The following PHKB variants were observed in gnomAD, a reference collection of about 807,000 sequenced individuals.
PHKB encodes the protein phosphorylase kinase regulatory subunit beta.
PHKB carries 122 observed loss-of-function variants against 152.1 expected under a neutral mutation model. That is an observed-to-expected ratio of 0.80 (90% confidence interval 0.69 to 0.93). PHKB has a LOEUF of 0.93. PHKB is among the 40% of genes least tolerant of loss of function. The pLI is 0.00. For missense variants in PHKB, 1,304 were observed against 1,328.4 expected, an observed-to-expected ratio of 0.98 and a Z score of 0.29; for synonymous variants, 436 against 464.9, an observed-to-expected ratio of 0.94 and a Z score of 0.80.
At chr16:47,499,970 G>T (rs146954082) in intron 3 of PHKB, 76 bp downstream of exon 3, 9 of 1,532,654 alleles carry the variant, frequency 5.9e-6, no homozygotes, top group South Asian at 2.2e-5. Flanking sequence ...TAATTGAGCC[G>T]CTATCTTTTG....
rs370858991 is a variant in PHKB, at chr16:47,611,031, G to A, written c.1458+111G>A. The A allele has an allele frequency of 5.5e-6, 4 of 729,174 alleles. No individual in the cohort carries two copies. In the East Asian group the frequency reaches 1.1e-4, roughly 19 times the overall value. The allele number at this position is 729,174 out of a possible 1,614,324, so 45.2% of individuals were successfully genotyped here. A position where few individuals can be genotyped will look rare whatever the true frequency, so the allele number is the denominator to read the frequency against. The stretch of plus-strand genomic sequence containing the variant: ...TTTTGTTGTTCCTTCTGACGGAAAG[G>A]TTTCTCCCTCTTCTGGTTAGTTAAG... On this transcript the variant is annotated intron_variant, in intron 14 of 30. Transcript: ENST00000323584.
intron 14 of PHKB, among the ~76,000 whole-genome samples, chr16:47,614,992 T>C (rs1293515015): frequency 2.0e-5 from 3 of 152,210 alleles, no homozygotes; most frequent in Non-Finnish European, 2.9e-5. Context: ...GGTAGTTACG[T>C]TGGATATAGG....
In PHKB at chr16:47,648,971, G is replaced by A. The variant is rs867859194; in HGVS notation, c.1693-129G>A. 116 of 680,726 alleles carry A rather than the reference G, an allele frequency of 1.7e-4. No individual in the cohort carries two copies. The Middle Eastern group carries it at 2.0e-3, about 12-fold the overall frequency. 42.2% of individuals were successfully genotyped at this position (680,726 alleles called of 1,614,324 possible). ...AATTTTTAAATATTATCTGGATGTC[G>A]CAAGCTATTAATTTATGTGCTTATT... On this transcript the variant is annotated intron_variant, in intron 17 of 30. Transcript: ENST00000323584.
At chr16:47,654,604 A>G (rs1476907870) in intron 20 of PHKB, among the ~76,000 whole-genome samples, 1 of 152,160 alleles carries the variant, frequency 6.6e-6, no homozygotes, top group African/African-American at 2.4e-5. Flanking sequence ...CATATACACC[A>G]TGGAATACTA....
chr16:47,653,731 T>C (rs1435422181), intron 20 of PHKB, among the ~76,000 whole-genome samples: 2 of 152,168 alleles, frequency 1.3e-5, no homozygotes, highest in Non-Finnish European at 2.9e-5. Context: ...AAAAAAGACC[T>C]AGATAATTTT....
Position 47,669,486 on chromosome 16 carries a change from C to T in PHKB, c.2630+69C>T, listed in dbSNP as rs1212538583. Reference sequence around the variant, plus strand: ...TTGTCCTCTAACAGACCCGGCCTCTCCAAGTGAAGCAATGTTCCTGGTGTC... The same window carrying T: ...TTGTCCTCTAACAGACCCGGCCTCTTCAAGTGAAGCAATGTTCCTGGTGTC... On this transcript the variant is annotated intron_variant, in intron 26 of 30. Coordinates refer to ENST00000323584, the MANE Select transcript of PHKB (RefSeq NM_000293.3). 4 of 1,360,402 alleles carry T rather than the reference C, an allele frequency of 2.9e-6. No homozygotes were observed. In the African/African-American group the frequency reaches 5.7e-5, roughly 19 times the overall value. 84.3% of individuals were successfully genotyped at this position (1,360,402 alleles called of 1,614,324 possible).
At chr16:47,648,733 T>C (rs934143018) in intron 17 of PHKB, 117 bp downstream of exon 17, 2 of 744,110 alleles carry the variant, frequency 2.7e-6, no homozygotes, top group African/African-American at 1.7e-5. Flanking sequence ...ACTACTTATC[T>C]GAAGTATTAT....
intron 7 of PHKB, chr16:47,562,618 A>G (rs1971495560): frequency 6.6e-6 from 1 of 152,214 alleles, no homozygotes; most frequent in Non-Finnish European, 1.5e-5. Context: ...CTGAACCTTC[A>G]GTGAGTTGTA....
chr16:47,472,442 A>G lies in PHKB; in HGVS notation c.76+11016A>G, dbSNP rs1308347350. 2.6e-5 allele frequency among the ~76,000 whole-genome samples: 4 copies of G among 152,064 alleles called. No homozygotes were observed. The East Asian group carries it at 7.7e-4, about 29-fold the overall frequency. Reference sequence around the variant, plus strand: ...CAAGGCAGGCGGGCTGCTTGAGCCCAATTTGAGACTAGCCTGTGCAACATG... The same window carrying G: ...CAAGGCAGGCGGGCTGCTTGAGCCCGATTTGAGACTAGCCTGTGCAACATG... On this transcript the variant is annotated intron_variant, in intron 1 of 30. Coordinates refer to ENST00000323584, the MANE Select transcript of PHKB (RefSeq NM_000293.3).
chr16:47,557,941 T>C (rs944690608), intron 7 of PHKB, among the ~76,000 whole-genome samples: 4 of 152,132 alleles, frequency 2.6e-5, no homozygotes, highest in African/African-American at 9.7e-5. Flanking sequence ...ACACATATGT[T>C]TATTGCGGTA....
At position 47,596,518 on chromosome 16, in the gene PHKB, C is replaced by T. The variant is rs199941695; in HGVS notation, c.1350C>T (p.Ile450=). ...TTTGGGGACAAGCACTTTATATCATCGCAAAACTCCTGGGTAAGTGGAGAA... is the reference window on the plus strand; with the variant it reads ...TTTGGGGACAAGCACTTTATATCATTGCAAAACTCCTGGGTAAGTGGAGAA... The part of the protein sequence containing the change: ...LFLWGQALYI[I]AKLLADELIS... The change falls in exon 13 of 31, where the codon ATC becomes ATT. Residue 450 remains isoleucine, a synonymous_variant. Coordinates refer to ENST00000323584, the MANE Select transcript of PHKB (RefSeq NM_000293.3). 1.4e-4 allele frequency: 232 copies of T among 1,613,652 alleles called. 1 individual carries two copies. The highest frequency in any genetic ancestry group is 1.1e-3 in the East Asian group (49 of 44,846).
intron 7 of PHKB, among the ~76,000 whole-genome samples, chr16:47,557,153 A>G (rs56385141): frequency 0.12 from 18,403 of 152,196 alleles, 1,405 homozygotes; most frequent in South Asian, 0.18. Context: ...TATTTAATAA[A>G]TGGTGCTGGG....
At chr16:47,652,560 T>C (rs1212605301) in intron 20 of PHKB, among the ~76,000 whole-genome samples, 1 of 152,056 alleles carries the variant, frequency 6.6e-6, no homozygotes, top group Non-Finnish European at 1.5e-5. Flanking sequence ...CATCTATTGT[T>C]TTTTGACTTT....
chr16:47,468,624 G>A (rs964425881), intron 1 of PHKB, among the ~76,000 whole-genome samples: 4 of 152,234 alleles, frequency 2.6e-5, no homozygotes, highest in Non-Finnish European at 4.4e-5. Context: ...TTGCACTCCA[G>A]CCTGGGCAAC....
At chr16:47,537,806 T>C (rs1042330354) in intron 6 of PHKB, among the ~76,000 whole-genome samples, 1 of 152,236 alleles carries the variant, frequency 6.6e-6, no homozygotes, top group African/African-American at 2.4e-5. Flanking sequence ...ACAGGTTATA[T>C]GTATTCAGGA....
intron 10 of PHKB, chr16:47,590,890 T>C (rs1021427913): frequency 1.3e-5 from 2 of 152,238 alleles, no homozygotes; most frequent in Non-Finnish European, 2.9e-5. Flanking sequence ...TGTACTCAAG[T>C]TCGCAGACTT....
At chr16:47,675,659 C>A (rs1973718451) in intron 26 of PHKB, 1 of 152,156 alleles carries the variant, frequency 6.6e-6, no homozygotes, top group African/African-American at 2.4e-5. Flanking sequence ...ATGGTTGAGT[C>A]CCCTGTAGGC....
chr16:47,589,867 C>T (rs566595618), intron 10 of PHKB, among the ~76,000 whole-genome samples: 1 of 152,362 alleles, frequency 6.6e-6, no homozygotes, highest in South Asian at 2.1e-4. Flanking sequence ...TCACTGTAAC[C>T]TCCACCTCCT....
At chr16:47,551,846 G>A (rs1441864059) in intron 7 of PHKB, among the ~76,000 whole-genome samples, 1 of 152,146 alleles carries the variant, frequency 6.6e-6, no homozygotes, top group East Asian at 1.9e-4. Context: ...GTGTGGGAGT[G>A]TAAGTCTCTT....
Sources: gnomAD v4.1 joint callset for allele counts (sites outside exome capture counted in the v4.1 genomes callset) on GRCh38, gnomAD v4.1.1 for gene constraint, MANE v1.5 for transcripts, NCBI Gene and HGNC (gene_info 2026-07-23, HGNC 2026-07-21) for gene names.